The following GUCY2F variants were observed in gnomAD, a reference collection of about 807,000 sequenced individuals.
GUCY2F encodes the protein guanylate cyclase 2F, retinal.
GUCY2F carries 61 observed loss-of-function variants against 73.1 expected under a neutral mutation model. The ratio of observed to expected loss-of-function variants is 0.83; its 90% CI spans 0.68 to 1.03. The LOEUF (loss-of-function observed/expected upper bound fraction) is 1.03, where lower values mean the gene tolerates loss of function less well. GUCY2F is among the 50% of genes least tolerant of loss of function. The pLI, the probability that GUCY2F is intolerant of heterozygous loss-of-function variation, is 0.00. For synonymous variants in GUCY2F, 331 were observed against 307.8 expected (o/e 1.08, Z -0.79); for missense variants, 912 against 854.3 (o/e 1.07, Z -0.84).
intron 2 of GUCY2F, among the ~76,000 whole-genome samples, chrX:109,467,178 T>C (rs1252128082): frequency 8.9e-6 from 1 of 112,308 alleles, no homozygotes; most frequent in Non-Finnish European, 1.9e-5. Flanking sequence ...CCAGAGATGT[T>C]TGACAATGCA....
At chrX:109,445,316 C>T (rs1005882514) in intron 6 of GUCY2F, among the ~76,000 whole-genome samples, 1 of 112,008 alleles carries the variant, frequency 8.9e-6, no homozygotes, top group South Asian at 3.7e-4. Context: ...TTATGTCAGG[C>T]TAACATTTTA....
intron 7 of GUCY2F, among the ~76,000 whole-genome samples, chrX:109,433,895 T>C (rs1931672254): frequency 1.8e-5 from 2 of 111,052 alleles, no homozygotes; most frequent in African/African-American, 6.6e-5. Context: ...TCCTCACTGA[T>C]AAAGCTAGAC....
chrX:109,452,197 G>C (rs1347893929), intron 4 of GUCY2F, 90 bp from the exon 5 acceptor site: 2 of 566,347 alleles, frequency 3.5e-6, no homozygotes, highest in Admixed American at 5.3e-5. Flanking sequence ...CATGCTTTCT[G>C]GTGACTCTAA....
rs1477186740 is a variant in GUCY2F at position 109,465,284 on chromosome X, A to T, written c.890T>A (p.Val297Asp). 9.9e-6 allele frequency: 12 copies of T among 1,208,008 alleles called. No homozygotes were observed. Among genetic ancestry groups the T allele is most frequent in the Non-Finnish European group, 1.3e-5 (12 of 893,787 alleles). Residue 297 changes from valine to aspartate, a missense_variant, in exon 3 of 20, where the codon GTC (valine) becomes GAC (aspartate). Physicochemically the swap from Val to Asp is radical, Grantham distance 152. Transcript: ENST00000218006. ...CCGGAGCTTTGGGTTGTTCCTTAGG[A>T]CCCGGTAGGGGGTGTGCTTATAAGG... Reference protein sequence around the residue: ...SLPYKHTPYRVLRNNPKLREA... With the variant: ...SLPYKHTPYRDLRNNPKLREA...
rs188287471 is a variant in GUCY2F, at chrX:109,426,968, G to T, written c.1791+3339C>A. Among the ~76,000 whole-genome samples, 93 of 112,070 alleles carry T rather than the reference G, an allele frequency of 8.3e-4. 1 individual carries two copies. The highest frequency in any genetic ancestry group is 2.7e-3 in the African/African-American group (84 of 30,883). On this transcript the variant is annotated intron_variant, in intron 8 of 19. Coordinates refer to ENST00000218006, the MANE Select transcript of GUCY2F (RefSeq NM_001522.3). ...TATGGAGAGTAGATGGAAGTAACAG[G>T]AGGTGTAGAAGATGCTAAAACAGAG...
intron 7 of GUCY2F, among the ~76,000 whole-genome samples, chrX:109,433,783 G>A (rs1472711934): frequency 4.5e-5 from 5 of 111,226 alleles, no homozygotes; most frequent in East Asian, 2.8e-4. Context: ...CTAAAGCCAC[G>A]GTGTATTAAT....
chrX:109,398,223 G>C (rs768670960), intron 11 of GUCY2F, among the ~76,000 whole-genome samples: 1 of 110,309 alleles, frequency 9.1e-6, no homozygotes, highest in East Asian at 2.9e-4. Flanking sequence ...CATCATGAGG[G>C]ATACTAAAAT....
chrX:109,476,791 G>A (rs1008751172), intron 1 of GUCY2F, among the ~76,000 whole-genome samples: 3 of 108,889 alleles, frequency 2.8e-5, no homozygotes, highest in African/African-American at 1.0e-4. Flanking sequence ...ATATATATAT[G>A]TGTGTGTGTA....
At chrX:109,474,117 T>C (rs1347641639) in intron 2 of GUCY2F, among the ~76,000 whole-genome samples, 1 of 112,079 alleles carries the variant, frequency 8.9e-6, no homozygotes, top group African/African-American at 3.2e-5. Context: ...CTGAAGCCAC[T>C]TGAAACTTAA....
chrX:109,466,169 T>G (rs1453526692), intron 2 of GUCY2F, among the ~76,000 whole-genome samples: 1 of 111,591 alleles, frequency 9.0e-6, no homozygotes, highest in Non-Finnish European at 1.9e-5. Context: ...GACTTCAGAC[T>G]TTTTTTAGAT....
intron 10 of GUCY2F, among the ~76,000 whole-genome samples, chrX:109,402,867 A>C (rs780682119): frequency 1.8e-5 from 2 of 112,032 alleles, no homozygotes; most frequent in South Asian, 7.6e-4. Flanking sequence ...GCAAAGTCTT[A>C]TAAAGTCCAG....
At chrX:109,451,560 A>T (rs1331218150) in intron 5 of GUCY2F, among the ~76,000 whole-genome samples, 1 of 111,915 alleles carries the variant, frequency 8.9e-6, no homozygotes, top group Non-Finnish European at 1.9e-5. Context: ...CTTAATCCCC[A>T]TTATAATCCT....
At chrX:109,431,548 A>T (rs1044205340) in intron 7 of GUCY2F, among the ~76,000 whole-genome samples, 7 of 110,325 alleles carry the variant, frequency 6.3e-5, no homozygotes, top group Admixed American at 4.8e-4. Context: ...AATACAAAAA[A>T]ATCAGCCGGG....
Position 109,408,999 on chromosome X carries a change from A to T in GUCY2F, c.1961T>A (p.Leu654His), listed in dbSNP as rs770692407. 2.7e-6 allele frequency: 3 copies of T among 1,097,662 alleles called. No homozygotes were observed. Among genetic ancestry groups the T allele is most frequent in the Non-Finnish European group, 3.8e-6 (3 of 793,748 alleles). The allele number at this position is 1,097,662 out of a possible 1,213,427, so 90.5% of individuals were successfully genotyped here. ...WMFKSSLLLD[L>H]IKGMKYLHHR... ...CTCAGTCTTCCCATTAACCTTTATG[A>T]GATCCAGCAAGAGTGATGATTTAAA... The change falls in exon 9 of 20, where the codon CTC (leucine) becomes CAC (histidine). Residue 654 changes from leucine to histidine, a missense_variant. By Grantham distance (99) the Leu-to-His change is moderately conservative. Coordinates refer to ENST00000218006, the MANE Select transcript of GUCY2F (RefSeq NM_001522.3).
chrX:109,442,459 G>T (rs1049387147), intron 6 of GUCY2F, among the ~76,000 whole-genome samples: 17 of 111,367 alleles, frequency 1.5e-4, no homozygotes, highest in Admixed American at 4.8e-4. Context: ...AAGAATCTTG[G>T]TATTATATTT....
chrX:109,446,108 C>T (rs1228912045), intron 6 of GUCY2F, among the ~76,000 whole-genome samples: 1 of 111,666 alleles, frequency 9.0e-6, no homozygotes, highest in Non-Finnish European at 1.9e-5. Flanking sequence ...CAAACCACTG[C>T]TCAACGAAAT....
intron 8 of GUCY2F, among the ~76,000 whole-genome samples, chrX:109,421,503 T>C (rs1294229878): frequency 9.0e-6 from 1 of 111,562 alleles, no homozygotes; most frequent in Non-Finnish European, 1.9e-5. Context: ...ACAAATACTA[T>C]ATGATTACAC....
intron 17 of GUCY2F, among the ~76,000 whole-genome samples, chrX:109,380,752 T>C (rs1569353903): frequency 8.9e-6 from 1 of 111,935 alleles, no homozygotes; most frequent in East Asian, 2.8e-4. Flanking sequence ...TGAATTGAAT[T>C]TGTGGGACAA....
intron 8 of GUCY2F, among the ~76,000 whole-genome samples, chrX:109,422,590 G>A (rs1473051238): frequency 7.2e-5 from 8 of 111,797 alleles, no homozygotes; most frequent in Non-Finnish European, 9.4e-5. Context: ...CAAGTCACTA[G>A]AATGACTAAA....
Sources: allele counts gnomAD v4.1 joint callset (sites outside exome capture counted in the v4.1 genomes callset), GRCh38; gene constraint gnomAD v4.1.1; transcripts MANE v1.5; gene names NCBI Gene and HGNC (gene_info 2026-07-23, HGNC 2026-07-21).